SIPA1L3: variants seen among roughly 807,000 people sequenced by gnomAD.
SIPA1L3 encodes signal induced proliferation associated 1 like 3, also known as signal-induced proliferation-associated 1-like protein 3.
In SIPA1L3, 59 loss-of-function variants were observed where a neutral mutation model predicts 150.1. The observed-to-expected ratio is 0.39, with a 90% CI of 0.32 to 0.49. SIPA1L3 has a LOEUF of 0.49. SIPA1L3 is among the 20% of genes least tolerant of loss of function. The pLI, the probability that SIPA1L3 is intolerant of heterozygous loss-of-function variation, is 0.86. For missense variants in SIPA1L3, 2,211 were observed against 2,489.5 expected (o/e 0.89, Z 2.38); for synonymous variants, 1,070 against 1,077.6 (o/e 0.99, Z 0.14).
chr19:38,043,105 C>T (rs539477398), intron 2 of SIPA1L3, among the ~76,000 whole-genome samples: 1 of 152,062 alleles, frequency 6.6e-6, no homozygotes, highest in Admixed American at 6.6e-5. Context: ...TTTGGGGGGC[C>T]GAGGCGGGCA....
At chr19:37,970,685 G>A (rs1052545196) in intron 1 of SIPA1L3, among the ~76,000 whole-genome samples, 2 of 152,210 alleles carry the variant, frequency 1.3e-5, no homozygotes, top group African/African-American at 2.4e-5. Flanking sequence ...AGGCTGTGCC[G>A]TGGATGGGTG....
chr19:38,005,195 G>T (rs1967910779), intron 1 of SIPA1L3, among the ~76,000 whole-genome samples: 1 of 152,024 alleles, frequency 6.6e-6, no homozygotes, highest in South Asian at 2.1e-4. Flanking sequence ...CTCTAAGCTG[G>T]AATCATTTAA....
chr19:37,945,596 C>G (rs1385727028), intron 1 of SIPA1L3, among the ~76,000 whole-genome samples: 1 of 152,034 alleles, frequency 6.6e-6, no homozygotes, highest in Non-Finnish European at 1.5e-5. Context: ...TAGACATACT[C>G]TAGGTATGCC....
Position 37,921,757 on chromosome 19 carries a change from C to T in SIPA1L3, c.-379+14399C>T, listed in dbSNP as rs912241288. ...CTGGGACCACAGGCATACGCCACCA[C>T]GCCTGGATAATTTTTTTTTTATTTT... On this transcript the variant is annotated intron_variant, in intron 1 of 21. Transcript: ENST00000222345. Among the ~76,000 whole-genome samples, 17 of 152,014 alleles carry T rather than the reference C, an allele frequency of 1.1e-4. No individual in the cohort carries two copies. In the East Asian group the frequency reaches 2.3e-3, roughly 21 times the overall value.
intron 8 of SIPA1L3, among the ~76,000 whole-genome samples, chr19:38,118,543 C>CT (rs528248381): frequency 0.23 from 34,804 of 149,526 alleles, 5,175 homozygotes; most frequent in African/African-American, 0.43. Context: ...TGCCCTAACA[C>CT]TTTTTTTTTT....
At chr19:38,103,934 AT>A (rs1250498522) in intron 6 of SIPA1L3, among the ~76,000 whole-genome samples, 29 of 151,332 alleles carry the variant, frequency 1.9e-4, no homozygotes, top group Middle Eastern at 3.4e-3. Flanking sequence ...AAAGAAAAAA[AT>A]ATATATATGT....
chr19:38,102,049 CTT>C (rs552210592), intron 6 of SIPA1L3, among the ~76,000 whole-genome samples: 23 of 137,082 alleles, frequency 1.7e-4, no homozygotes, highest in Admixed American at 2.2e-4. Context: ...CTTTTCTTTT[CTT>C]TTTTTTTTTT....
chr19:38,045,326 T>C (rs995700880), intron 2 of SIPA1L3, among the ~76,000 whole-genome samples: 3 of 151,138 alleles, frequency 2.0e-5, no homozygotes, highest in Non-Finnish European at 2.9e-5. Flanking sequence ...TGCAGTGAGC[T>C]GAGATCATGC....
At chr19:37,913,204 C>A (rs1355956497) in intron 1 of SIPA1L3, among the ~76,000 whole-genome samples, 1 of 152,064 alleles carries the variant, frequency 6.6e-6, no homozygotes, top group Non-Finnish European at 1.5e-5. Context: ...AGACTTTCAG[C>A]ACATTAGGCT....
chr19:38,080,839 C>T (rs1969961071), intron 2 of SIPA1L3, among the ~76,000 whole-genome samples: 1 of 151,848 alleles, frequency 6.6e-6, no homozygotes, highest in African/African-American at 2.4e-5. Context: ...GGCATGGTAG[C>T]ACATGCTGGA....
At chr19:38,166,590 A>T (rs1310070376) in intron 15 of SIPA1L3, among the ~76,000 whole-genome samples, 1 of 152,160 alleles carries the variant, frequency 6.6e-6, no homozygotes, top group Admixed American at 6.5e-5. Flanking sequence ...TGGAAAGAGT[A>T]TTCTACACAG....
At chr19:37,981,422 C>CAAA (rs774199467) in intron 1 of SIPA1L3, among the ~76,000 whole-genome samples, 4 of 72,534 alleles carry the variant, frequency 5.5e-5, no homozygotes, top group Non-Finnish European at 1.1e-4. Context: ...GACCCTGTCT[C>CAAA]AAAAAAAAAA....
intron 2 of SIPA1L3, among the ~76,000 whole-genome samples, chr19:38,080,743 G>A (rs1487283670): frequency 6.6e-6 from 1 of 152,050 alleles, no homozygotes; most frequent in Non-Finnish European, 1.5e-5. Flanking sequence ...TGAGGCGGGC[G>A]GGGATTGCCT....
chr19:38,179,391 A>C (rs1168895949), intron 15 of SIPA1L3, among the ~76,000 whole-genome samples: 2 of 152,198 alleles, frequency 1.3e-5, no homozygotes, highest in Non-Finnish European at 2.9e-5. Context: ...GCAGTGGGCC[A>C]AGGTTGCACC....
chr19:37,943,563 G>A (rs890424786), intron 1 of SIPA1L3, among the ~76,000 whole-genome samples: 3 of 152,102 alleles, frequency 2.0e-5, no homozygotes, highest in Non-Finnish European at 4.4e-5. Flanking sequence ...GGGGACTTTC[G>A]ATTGCTGACC....
intron 4 of SIPA1L3, 147 bp downstream of exon 4, chr19:38,088,998 C>T: frequency 3.6e-6 from 3 of 835,872 alleles, no homozygotes; most frequent in Non-Finnish European, 5.5e-6. Flanking sequence ...CTCTCCATCT[C>T]ACAGAGGAAG....
intron 8 of SIPA1L3, among the ~76,000 whole-genome samples, chr19:38,116,245 C>T (rs1483149816): frequency 6.6e-6 from 1 of 152,122 alleles, no homozygotes; most frequent in African/African-American, 2.4e-5. Flanking sequence ...TGCAGTGGCT[C>T]ACACCTGTAA....
At chr19:38,026,581 C>T (rs958911389) in intron 1 of SIPA1L3, among the ~76,000 whole-genome samples, 31 of 152,170 alleles carry the variant, frequency 2.0e-4, no homozygotes, top group African/African-American at 6.0e-4. Flanking sequence ...AAGCAACCGA[C>T]GCCTGGAACC....
In SIPA1L3 at chr19:38,206,996, G is replaced by A. The variant is rs926261856; in HGVS notation, c.*756G>A. 11 of 152,208 alleles carry A rather than the reference G, an allele frequency of 7.2e-5. No homozygotes were observed. The highest frequency in any genetic ancestry group is 2.4e-4 in the African/African-American group (10 of 41,432). 9.4% of individuals were successfully genotyped at this position (152,208 alleles called of 1,614,324 possible). A position where few individuals can be genotyped will look rare whatever the true frequency, so the allele number is the denominator to read the frequency against. On this transcript the variant is annotated 3_prime_UTR_variant, in exon 22 of 22. Coordinates refer to ENST00000222345, the MANE Select transcript of SIPA1L3 (RefSeq NM_015073.3). ...TCTATCAGCTCCTCTTCCGCCAGAG[G>A]CCACTGCACCTGGGCTAGGGGTCCA...
Sources: allele counts gnomAD v4.1 joint callset (sites outside exome capture counted in the v4.1 genomes callset), GRCh38; gene constraint gnomAD v4.1.1; transcripts MANE v1.5; gene names NCBI Gene and HGNC (gene_info 2026-07-23, HGNC 2026-07-21).